Variants in CPS1 observed in about 807,000 individuals in gnomAD.
CPS1 encodes the protein carbamoyl-phosphate synthase [ammonia], mitochondrial.
A neutral mutation model predicts 174.6 loss-of-function variants in CPS1; 109 were observed. That is an observed-to-expected ratio of 0.62 (90% CI 0.53 to 0.73). CPS1 has a LOEUF of 0.73. Ranked by LOEUF, CPS1 falls within the 30% of genes least tolerant of loss-of-function variation. The pLI, the probability that CPS1 is intolerant of heterozygous loss-of-function variation, is 0.00. For missense variants in CPS1, 1,689 were observed against 1,821.9 expected (o/e 0.93, Z 1.33); for synonymous variants, 637 against 632.0 (o/e 1.01, Z -0.12).
rs1032648842 is a variant in CPS1, at chr2:210,564,415, G to A, written c.126+7556G>A. ...TTTTGAGATGGAGTCTCGCTCTGTC[G>A]CCCAGGCTGGAGTGCAGTGCTGCGA... On this transcript the variant is annotated intron_variant, in intron 1 of 37. Coordinates refer to ENST00000233072, the MANE Select transcript of CPS1 (RefSeq NM_001875.5). 8.0e-5 allele frequency among the ~76,000 whole-genome samples: 12 copies of A among 150,930 alleles called. No individual in the cohort carries two copies. In the South Asian group the frequency reaches 1.0e-3, roughly 13 times the overall value.
Position 210,637,208 on chromosome 2 carries a change from T to C in CPS1, c.2688-494T>C, listed in dbSNP as rs556773168. ...AGGTAACAAAGGGTAGAGCCGTGGGTAGGGGTAGGGGGAAACCCAAAACTA... is the reference window on the plus strand; with the variant it reads ...AGGTAACAAAGGGTAGAGCCGTGGGCAGGGGTAGGGGGAAACCCAAAACTA... On this transcript the variant is annotated intron_variant, in intron 21 of 37. Coordinates refer to ENST00000233072, the MANE Select transcript of CPS1 (RefSeq NM_001875.5). Among the ~76,000 whole-genome samples, 3 of 151,946 alleles carry C rather than the reference T, an allele frequency of 2.0e-5. No individual in the cohort carries two copies. The South Asian group carries it at 6.3e-4, about 32-fold the overall frequency.
At position 210,592,908 on chromosome 2, in the gene CPS1, C is replaced by T. The variant is rs200465544; in HGVS notation, c.1116C>T (p.Phe372=). The part of the protein sequence containing the change: ...EGIMHESKPF[F]AVQFHPEVTP... ...TTATGCATGAGAGCAAACCCTTCTT[C>T]GCTGTGCAGTTCCACCCAGAGGTCA... Residue 372 remains phenylalanine (F), a synonymous_variant, in exon 11 of 38, where the codon TTC becomes TTT. Coordinates refer to ENST00000233072, the MANE Select transcript of CPS1 (RefSeq NM_001875.5). 2.2e-4 allele frequency: 353 copies of T among 1,612,448 alleles called. No individual in the cohort carries two copies. The highest frequency in any genetic ancestry group is 6.6e-4 in the Middle Eastern group (4 of 6,048).
chr2:210,520,447 G>T (rs981237506), intron 1 of CPS1, among the ~76,000 whole-genome samples: 1 of 151,924 alleles, frequency 6.6e-6, no homozygotes, highest in South Asian at 2.1e-4. Flanking sequence ...ATTGGTCCTA[G>T]TGCTCTCCCT....
intron 1 of CPS1, among the ~76,000 whole-genome samples, chr2:210,537,855 T>C (rs1020994081): frequency 1.1e-4 from 16 of 152,166 alleles, no homozygotes; most frequent in African/African-American, 3.6e-4. Flanking sequence ...GCTACTAATA[T>C]TTTAAGGCTA....
At chr2:210,588,479 G>T (rs1411108162) in intron 7 of CPS1, among the ~76,000 whole-genome samples, 1 of 151,998 alleles carries the variant, frequency 6.6e-6, no homozygotes, top group African/African-American at 2.4e-5. Context: ...GCTAGAGTCT[G>T]TCTGATAGCA....
At chr2:210,478,092 C>T (rs1357130335) in intron 1 of CPS1, among the ~76,000 whole-genome samples, 1 of 152,178 alleles carries the variant, frequency 6.6e-6, no homozygotes, top group Non-Finnish European at 1.5e-5. Context: ...GTGAGTATCC[C>T]TGAGACATAC....
In CPS1 at chr2:210,601,647, T is replaced by A. The variant is rs148720484; in HGVS notation, c.1708-555T>A. Among the ~76,000 whole-genome samples the A allele has an allele frequency of 4.7e-3, 718 of 152,086 alleles. 7 individuals carry two copies. Among genetic ancestry groups the A allele is most frequent in the Non-Finnish European group, 7.9e-3 (539 of 67,914 alleles). The stretch of plus-strand genomic sequence containing the variant: ...TACATTCCCATTGGTAGTGTAATAA[T>A]ATTCCATGACAGAAAAATATAGCCA... On this transcript the variant is annotated intron_variant, in intron 15 of 37. Transcript: ENST00000233072.
chr2:210,622,766 TAAA>T (rs36066680), intron 21 of CPS1, among the ~76,000 whole-genome samples: 1 of 138,846 alleles, frequency 7.2e-6, no homozygotes, highest in Non-Finnish European at 1.6e-5. Flanking sequence ...TCATGATACT[TAAA>T]AAAAAAAAAA....
intron 30 of CPS1, chr2:210,657,326 T>C (rs943343781): frequency 6.6e-6 from 1 of 152,114 alleles, no homozygotes; most frequent in Non-Finnish European, 1.5e-5. Flanking sequence ...TTTTTTTTTT[T>C]TGGAGACGGA....
intron 10 of CPS1, among the ~76,000 whole-genome samples, chr2:210,592,517 G>C (rs1319444322): frequency 6.6e-6 from 1 of 151,956 alleles, no homozygotes; most frequent in African/African-American, 2.4e-5. Flanking sequence ...TGTTTGAGAA[G>C]ACCCTTGGAA....
At position 210,674,967 on chromosome 2, in the gene CPS1, T is replaced by A; in HGVS notation, c.4161+6T>A. The A allele has an allele frequency of 6.2e-7, 1 of 1,605,812 alleles. No individual in the cohort carries two copies. The highest frequency in any genetic ancestry group is 8.5e-7 in the Non-Finnish European group (1 of 1,172,462). Reference sequence around the variant, plus strand: ...TACACAATGAAGGTTTCAAGGTATGTTCATTAGTTTTAAGTTGTTTTCTGT... The same window carrying A: ...TACACAATGAAGGTTTCAAGGTATGATCATTAGTTTTAAGTTGTTTTCTGT... On this transcript the variant is annotated splice_donor_region_variant and intron_variant, in intron 35 of 37. Coordinates refer to ENST00000233072, the MANE Select transcript of CPS1 (RefSeq NM_001875.5).
At chr2:210,500,946 G>A (rs891723074) in intron 1 of CPS1, among the ~76,000 whole-genome samples, 1 of 152,104 alleles carries the variant, frequency 6.6e-6, no homozygotes, top group Non-Finnish European at 1.5e-5. Flanking sequence ...GGACATCTAG[G>A]TGTTTCCATA....
chr2:210,577,639 CTT>C, intron 4 of CPS1, 129 bp downstream of exon 4: 2 of 770,934 alleles, frequency 2.6e-6, no homozygotes, highest in Non-Finnish European at 4.7e-6. Context: ...AGAGGGATTC[CTT>C]CTCTTACTAC....
chr2:210,556,530 C>T (rs975608942), upstream of CPS1: 2 of 1,462,558 alleles, frequency 1.4e-6, no homozygotes, highest in African/African-American at 2.8e-5. Context: ...GACATTACCT[C>T]AGGAGGAGGG....
chr2:210,494,699 A>G (rs1341019401), intron 1 of CPS1, among the ~76,000 whole-genome samples: 1 of 152,216 alleles, frequency 6.6e-6, no homozygotes, highest in Non-Finnish European at 1.5e-5. Flanking sequence ...ATTATTTGTT[A>G]TTTTAATTGT....
intron 21 of CPS1, 84 bp downstream of exon 21, chr2:210,616,625 C>A: frequency 1.1e-6 from 1 of 876,524 alleles, no homozygotes; most frequent in South Asian, 1.3e-5. Context: ...AGCATTTGGT[C>A]TACATTGTGA....
intron 21 of CPS1, among the ~76,000 whole-genome samples, chr2:210,623,934 G>A (rs925858871): frequency 6.6e-6 from 1 of 151,968 alleles, no homozygotes; most frequent in Non-Finnish European, 1.5e-5. Flanking sequence ...AGAAACAGAA[G>A]GGTCAGTACT....
intron 33 of CPS1, among the ~76,000 whole-genome samples, chr2:210,667,143 T>G (rs1375904816): frequency 6.6e-6 from 1 of 152,208 alleles, no homozygotes; most frequent in Non-Finnish European, 1.5e-5. Context: ...GTTATTGCTG[T>G]ATAAGAATGC....
At chr2:210,665,246 A>C (rs1011600083) in intron 33 of CPS1, among the ~76,000 whole-genome samples, 6 of 152,216 alleles carry the variant, frequency 3.9e-5, no homozygotes, top group African/African-American at 1.2e-4. Flanking sequence ...TTATAGTCAT[A>C]AGAACTTTTC....
Sources: allele counts gnomAD v4.1 joint callset (sites outside exome capture counted in the v4.1 genomes callset), GRCh38; gene constraint gnomAD v4.1.1; transcripts MANE v1.5; gene names NCBI Gene and HGNC (gene_info 2026-07-23, HGNC 2026-07-21).